The following CRYBA4 variants were observed in gnomAD, a reference collection of about 807,000 sequenced individuals.
CRYBA4 encodes the protein beta-crystallin A4.
In CRYBA4, 30 loss-of-function variants were observed where a neutral mutation model predicts 31.7. The ratio of observed to expected loss-of-function variants is 0.95; its 90% CI spans 0.71 to 1.28. CRYBA4 has a LOEUF of 1.28. Ranked by LOEUF, CRYBA4 falls within the 50% of genes most tolerant of loss-of-function variation. CRYBA4 has a pLI of 0.00. For synonymous variants in CRYBA4, 102 were observed against 102.3 expected (o/e 1.00, Z 0.02); for missense variants, 225 against 260.7 (o/e 0.86, Z 0.94).
the CRYBA4 span, among the ~76,000 whole-genome samples, chr22:26,611,905 G>C: frequency 6.6e-6 from 1 of 152,288 alleles, no homozygotes; most frequent in East Asian, 1.9e-4. Context: ...AAATGAGATT[G>C]AGAACAATTC....
the CRYBA4 span, among the ~76,000 whole-genome samples, chr22:26,605,044 C>T: frequency 6.6e-6 from 1 of 152,140 alleles, no homozygotes; most frequent in Admixed American, 6.5e-5. Context: ...CATCGTTGCT[C>T]TAGGAGTTTT....
the CRYBA4 span, among the ~76,000 whole-genome samples, chr22:26,612,494 T>G: frequency 6.6e-6 from 1 of 152,300 alleles, no homozygotes; most frequent in East Asian, 1.9e-4. Context: ...TCCGAGTAGT[T>G]GAGATTACAG....
chr22:26,611,618 G>C, the CRYBA4 span, among the ~76,000 whole-genome samples: 2 of 152,004 alleles, frequency 1.3e-5, no homozygotes, highest in Admixed American at 1.3e-4. Context: ...GGGACTACAG[G>C]CGCCCGCCAC....
chr22:26,630,323 C>T lies in CRYBA4; in HGVS notation c.444-17C>T. On this transcript the variant is annotated splice_polypyrimidine_tract_variant and intron_variant, in intron 5 of 5. Transcript: ENST00000354760. ...GGTGTCTCTGTAGAGTAACTGTCTG[C>T]CTTTTCTCTTTTCCAGCTGGGTTTG... The T allele has an allele frequency of 6.2e-7, 1 of 1,614,076 alleles. No individual in the cohort carries two copies. Among genetic ancestry groups the T allele is most frequent in the Non-Finnish European group, 8.5e-7 (1 of 1,179,958 alleles).
chr22:26,623,978 C>G (rs1009884120), intron 3 of CRYBA4, among the ~76,000 whole-genome samples: 9 of 152,162 alleles, frequency 5.9e-5, no homozygotes, highest in African/African-American at 2.2e-4. Flanking sequence ...TGAAAGGTAG[C>G]CAGCATGAGT....
At chr22:26,627,946 C>G (rs1406682368) in intron 4 of CRYBA4, among the ~76,000 whole-genome samples, 1 of 152,178 alleles carries the variant, frequency 6.6e-6, no homozygotes, top group Non-Finnish European at 1.5e-5. Context: ...CCGCGCCGGG[C>G]CTCTACACCC....
chr22:26,614,373 G>C, the CRYBA4 span, among the ~76,000 whole-genome samples: 1 of 152,068 alleles, frequency 6.6e-6, no homozygotes, highest in African/African-American at 2.4e-5. Context: ...TTTCTCTTTT[G>C]TACTCTGTCC....
intron 3 of CRYBA4, among the ~76,000 whole-genome samples, chr22:26,624,707 G>A (rs1929648098): frequency 6.6e-6 from 1 of 152,212 alleles, no homozygotes; most frequent in Non-Finnish European, 1.5e-5. Context: ...GATTCAGACA[G>A]TTTATTACTT....
chr22:26,614,440 A>G, the CRYBA4 span, among the ~76,000 whole-genome samples: 2 of 152,326 alleles, frequency 1.3e-5, no homozygotes, highest in East Asian at 3.9e-4. Context: ...CTATGTGAAT[A>G]TCGGGGCAGG....
chr22:26,614,371 T>C, the CRYBA4 span, among the ~76,000 whole-genome samples: 2 of 152,218 alleles, frequency 1.3e-5, no homozygotes, highest in South Asian at 4.1e-4. Flanking sequence ...TTTTTCTCTT[T>C]TGTACTCTGT....
the CRYBA4 span, among the ~76,000 whole-genome samples, chr22:26,603,795 G>T: frequency 6.6e-6 from 1 of 151,398 alleles, no homozygotes; most frequent in South Asian, 2.1e-4. Flanking sequence ...GTGGTGGCAC[G>T]CACCTGTAGT....
chr22:26,616,251 C>T, the CRYBA4 span: 3 of 1,614,090 alleles, frequency 1.9e-6, no homozygotes, highest in East Asian at 6.7e-5. Context: ...GGGCCCCCTT[C>T]CCCTTGGTGT....
At chr22:26,614,801 C>T in the CRYBA4 span, among the ~76,000 whole-genome samples, 8 of 151,948 alleles carry the variant, frequency 5.3e-5, no homozygotes, top group African/African-American at 1.7e-4. Flanking sequence ...TGGCAAAACC[C>T]GTCTCATAAT....
the CRYBA4 span, chr22:26,616,255 T>A: frequency 9.3e-6 from 15 of 1,614,068 alleles, no homozygotes; most frequent in Non-Finnish European, 1.1e-5. Context: ...CCCCTTCCCC[T>A]TGGTGTCAGG....
the CRYBA4 span, among the ~76,000 whole-genome samples, chr22:26,609,982 T>A: frequency 6.6e-6 from 1 of 152,158 alleles, no homozygotes; most frequent in Non-Finnish European, 1.5e-5. Flanking sequence ...CTGTTCCTGA[T>A]TAAAGGGAGA....
chr22:26,608,245 C>T, the CRYBA4 span, among the ~76,000 whole-genome samples: 1 of 152,220 alleles, frequency 6.6e-6, no homozygotes, highest in Non-Finnish European at 1.5e-5. Flanking sequence ...TTCTCATCTA[C>T]ACTCATATGC....
chr22:26,596,097 GT>G, the CRYBA4 span, among the ~76,000 whole-genome samples: 1 of 152,002 alleles, frequency 6.6e-6, no homozygotes, highest in East Asian at 1.9e-4. Flanking sequence ...AATGCAAAGA[GT>G]TTTTATTTTA....
In CRYBA4 at chr22:26,628,970, C is replaced by T. The variant is rs139327688; in HGVS notation, c.443+540C>T. On this transcript the variant is annotated intron_variant, in intron 5 of 5. Coordinates refer to ENST00000354760, the MANE Select transcript of CRYBA4 (RefSeq NM_001886.3). Reference sequence around the variant, plus strand: ...TCATGTGGTCCATTGCTAGATTCAGCCTCATTTTCTCACCTTGGCTGAGAG... The same window carrying T: ...TCATGTGGTCCATTGCTAGATTCAGTCTCATTTTCTCACCTTGGCTGAGAG... Among the ~76,000 whole-genome samples the T allele has an allele frequency of 3.9e-5, 6 of 152,338 alleles. No homozygotes were observed. In the East Asian group the frequency reaches 1.2e-3, roughly 29 times the overall value.
Position 26,622,667 on chromosome 22 carries a change from G to C in CRYBA4, c.39+32G>C, listed in dbSNP as rs202097442. 11 of 1,531,536 alleles carry C rather than the reference G, an allele frequency of 7.2e-6. No individual in the cohort carries two copies. In the African/African-American group the frequency reaches 8.2e-5, roughly 11 times the overall value. The allele number at this position is 1,531,536 out of a possible 1,614,324, so 94.9% of individuals were successfully genotyped here. A position where few individuals can be genotyped will look rare whatever the true frequency, so the allele number is the denominator to read the frequency against. ...AGAGGCATGGGGAGGGGGTGTTCAG[G>C]GGGTATGGGGAGGGTTCAGGTCCCC... On this transcript the variant is annotated intron_variant, in intron 2 of 5. Transcript: ENST00000354760.
Sources: gnomAD v4.1 joint callset for allele counts (sites outside exome capture counted in the v4.1 genomes callset) on GRCh38, gnomAD v4.1.1 for gene constraint, MANE v1.5 for transcripts, NCBI Gene and HGNC (gene_info 2026-07-23, HGNC 2026-07-21) for gene names.